Variants in KANSL1 observed in about 807,000 individuals in gnomAD.
KANSL1 encodes the protein KAT8 regulatory NSL complex subunit 1, also known as MLL1/MLL complex subunit KANSL1.
A neutral mutation model predicts 103.6 loss-of-function variants in KANSL1; 22 were observed. The observed-to-expected ratio is 0.21, with a 90% CI of 0.15 to 0.30. The LOEUF is 0.30. KANSL1 is among the 10% of genes least tolerant of loss of function. The pLI is 1.00. For synonymous variants in KANSL1, 600 were observed against 527.6 expected (o/e 1.14, Z -1.88); for missense variants, 1,337 against 1,399.8 (o/e 0.96, Z 0.72).
chr17:46,127,779 A>AG (rs1222538348), intron 2 of KANSL1, among the ~76,000 whole-genome samples: 4 of 149,216 alleles, frequency 2.7e-5, no homozygotes. Context: ...CCCTGTCTCA[A>AG]AAAAAAAAAA....
intron 6 of KANSL1, among the ~76,000 whole-genome samples, chr17:46,062,114 C>CAAAAAAAAAAAAAAAAAAAAAAAA (rs1192815524): frequency 8.1e-5 from 3 of 37,122 alleles, no homozygotes; most frequent in East Asian, 1.1e-3. Flanking sequence ...AAAAAACAAA[C>CAAAAAAAAAAAAAAAAAAAAAAAA]AAACAAAAAA....
chr17:46,074,785 A>G (rs978604546), intron 4 of KANSL1, among the ~76,000 whole-genome samples: 1 of 150,870 alleles, frequency 6.6e-6, no homozygotes, highest in Non-Finnish European at 1.5e-5. Context: ...ATAAATAAAT[A>G]AATAAATAAA....
At chr17:46,145,631 G>A (rs1380968755) in intron 2 of KANSL1, among the ~76,000 whole-genome samples, 2 of 152,224 alleles carry the variant, frequency 1.3e-5, no homozygotes, top group Admixed American at 6.5e-5. Context: ...TGTCAAGCTA[G>A]GTCAGCTTAC....
intron 2 of KANSL1, among the ~76,000 whole-genome samples, chr17:46,099,625 T>C (rs2042227538): frequency 6.6e-6 from 1 of 152,260 alleles, no homozygotes; most frequent in Non-Finnish European, 1.5e-5. Flanking sequence ...CTAACACTGA[T>C]GAGTCAACTC....
At position 46,038,621 on chromosome 17, in the gene KANSL1, T is replaced by C. The variant is rs1355589929; in HGVS notation, c.2458A>G (p.Ser820Gly). The C allele has an allele frequency of 1.2e-6, 2 of 1,614,122 alleles. No individual in the cohort carries two copies. The highest frequency in any genetic ancestry group is 1.7e-6 in the Non-Finnish European group (2 of 1,180,024). Residue 820 changes from serine to glycine, a missense_variant, in exon 10 of 15, where the codon AGT becomes GGT. By Grantham distance (56) the Ser-to-Gly change is moderately conservative. Around this residue, in one of 2 missense-constraint regions of KANSL1, gnomAD observed 780 missense variants for 923.4 expected, o/e 0.84. Transcript: ENST00000432791. Reference protein sequence around the residue: ...YLAATHHPPHSPLVRQLSTSS... With the variant: ...YLAATHHPPHGPLVRQLSTSS... ...GTGGAGAGCTGTCGCACCAAGGGAC[T>C]GTGTGGAGGATGGTGGGTGGCTGCC...
intron 2 of KANSL1, among the ~76,000 whole-genome samples, chr17:46,157,762 C>A (rs1211181067): frequency 1.3e-5 from 2 of 152,222 alleles, no homozygotes; most frequent in African/African-American, 4.8e-5. Context: ...TACAGTTGGG[C>A]AGAAGCAAAA....
At chr17:46,136,304 T>TA in intron 2 of KANSL1, among the ~76,000 whole-genome samples, 1 of 152,360 alleles carries the variant, frequency 6.6e-6, no homozygotes, top group East Asian at 1.9e-4. Flanking sequence ...TCAAAACTCT[T>TA]ACTTCTCTGA....
Position 46,030,613 on chromosome 17 carries a change from G to T in KANSL1, c.*863C>A, listed in dbSNP as rs1409650576. 1 of 152,124 alleles carries T rather than the reference G, an allele frequency of 6.6e-6. No individual in the cohort carries two copies. Among genetic ancestry groups the T allele is most frequent in the Non-Finnish European group, 1.5e-5 (1 of 68,048 alleles). The allele number at this position is 152,124 out of a possible 1,614,324, so 9.4% of individuals were successfully genotyped here. Reference sequence around the variant, plus strand: ...GGGAAAAAAAAAAAAAATCACACAGGGAGATGGCTGCTCACTTCCCACAAC... The same window carrying T: ...GGGAAAAAAAAAAAAAATCACACAGTGAGATGGCTGCTCACTTCCCACAAC... On this transcript the variant is annotated 3_prime_UTR_variant, in exon 15 of 15. Transcript: ENST00000432791.
intron 2 of KANSL1, among the ~76,000 whole-genome samples, chr17:46,132,967 G>A (rs2043942147): frequency 6.6e-6 from 1 of 152,156 alleles, no homozygotes; most frequent in African/African-American, 2.4e-5. Flanking sequence ...GTAAGCAGAT[G>A]GAAACCTGAA....
In KANSL1 at chr17:46,039,079, G is replaced by T. The variant is rs1284849066; in HGVS notation, c.2340C>A (p.Asp780Glu). Residue 780 changes from aspartate to glutamate, a missense_variant, in exon 9 of 15, where the codon GAC becomes GAA. Coordinates refer to ENST00000432791, the MANE Select transcript of KANSL1 (RefSeq NM_015443.4). ...RLLNPPPPVH[D>E]PNHSKMRLRD... is the part of the protein sequence containing the mutation. ...GCAATCTCATTTTGCTGTGGTTTGG[G>T]TCATGCACGGGTGGTGGTGGGTTGA... is the stretch of plus-strand genomic sequence containing the variant. 6.2e-7 allele frequency: 1 copy of T among 1,612,318 alleles called. No homozygotes were observed. Among genetic ancestry groups the T allele is most frequent in the Non-Finnish European group, 8.5e-7 (1 of 1,179,786 alleles).
upstream of KANSL1, chr17:46,225,318 A>T: frequency 6.6e-6 from 1 of 152,458 alleles, no homozygotes. Context: ...TGCCAAAGGC[A>T]GCTCCCCCAG....
At chr17:46,161,250 TAA>T (rs534754110) in intron 2 of KANSL1, among the ~76,000 whole-genome samples, 38 of 79,380 alleles carry the variant, frequency 4.8e-4, no homozygotes, top group African/African-American at 1.3e-3. Flanking sequence ...CCACCTCTAC[TAA>T]AAAAAAAAAA....
At position 46,171,739 on chromosome 17, in the gene KANSL1, T is replaced by C. The variant is rs750183361; in HGVS notation, c.405A>G (p.Leu135=). The change falls in exon 2 of 15, where the codon TTA becomes TTG. Residue 135 remains leucine, a synonymous_variant. Coordinates refer to ENST00000432791, the MANE Select transcript of KANSL1 (RefSeq NM_015443.4). ...LGRQPVLEFS[L]ENLRTMNTSG... is the part of the protein sequence containing the mutation. ...TCGTATTCATGGTTCTAAGATTTTC[T>C]AAGGAAAACTCCAAAACTGGCTGTC... 5 of 1,580,976 alleles carry C rather than the reference T, an allele frequency of 3.2e-6. No individual in the cohort carries two copies. Among genetic ancestry groups the C allele is most frequent in the South Asian group, 1.2e-5 (1 of 86,568 alleles).
intron 2 of KANSL1, among the ~76,000 whole-genome samples, chr17:46,170,042 T>C (rs1340308467): frequency 6.6e-6 from 1 of 152,184 alleles, no homozygotes; most frequent in Non-Finnish European, 1.5e-5. Flanking sequence ...TTAGGGAGGC[T>C]GAGGCCCGAG....
chr17:46,031,821 G>T, intron 14 of KANSL1, 118 bp from the exon 15 acceptor site: 1 of 1,095,392 alleles, frequency 9.1e-7, no homozygotes, highest in Non-Finnish European at 1.3e-6. Flanking sequence ...TAGTGTTCCT[G>T]CGACAGTCTG....
chr17:46,171,332 G>A lies in KANSL1; in HGVS notation c.812C>T (p.Ser271Phe), dbSNP rs1597872380. Residue 271 changes from serine to phenylalanine, a missense_variant, in exon 2 of 15, where the codon TCT becomes TTT. Ser to Phe is a radical substitution (Grantham distance 155, BLOSUM62 -2). This residue lies in a region of KANSL1 where 557 missense variants were observed against 476.4 expected (regional missense o/e 1.17). Transcript: ENST00000432791. ...VKLEGKKSPL[S>F]SILFSALDSD... ...ATCTAAAGCACTGAAAAGAATGGAA[G>A]ACAGGGGAGACTTTTTACCCTCCAA... is the stretch of plus-strand genomic sequence containing the variant. 10 of 1,614,196 alleles carry A rather than the reference G, an allele frequency of 6.2e-6. No homozygotes were observed. Among genetic ancestry groups the A allele is most frequent in the Non-Finnish European group, 8.5e-6 (10 of 1,180,042 alleles).
Position 46,038,631 on chromosome 17 carries a change from A to C in KANSL1, c.2448T>G (p.His816Gln). ...SSSSYLAATHHPPHSPLVRQL... is the reference protein window; with the variant it reads ...SSSSYLAATHQPPHSPLVRQL... ...GTCGCACCAAGGGACTGTGTGGAGG[A>C]TGGTGGGTGGCTGCCAAGTAGCTCG... Residue 816 changes from histidine to glutamine, a missense_variant, in exon 10 of 15, where the codon CAT becomes CAG. Physicochemically the swap from His to Gln is conservative, Grantham distance 24 (BLOSUM62 0). Coordinates refer to ENST00000432791, the MANE Select transcript of KANSL1 (RefSeq NM_015443.4). 1 of 1,613,972 alleles carries C rather than the reference A, an allele frequency of 6.2e-7. No homozygotes were observed. The highest frequency in any genetic ancestry group is 8.5e-7 in the Non-Finnish European group (1 of 1,179,988).
chr17:46,137,419 A>G (rs1350309960), intron 2 of KANSL1, among the ~76,000 whole-genome samples: 1 of 152,242 alleles, frequency 6.6e-6, no homozygotes, highest in Non-Finnish European at 1.5e-5. Context: ...TGATTTAGTT[A>G]GCATCCTCAA....
chr17:46,107,256 T>C (rs1422518773), intron 2 of KANSL1, among the ~76,000 whole-genome samples: 1 of 152,226 alleles, frequency 6.6e-6, no homozygotes, highest in Non-Finnish European at 1.5e-5. Context: ...GGAAACGTTA[T>C]TGCCCCATTT....
Sources: allele counts gnomAD v4.1 joint callset (sites outside exome capture counted in the v4.1 genomes callset), GRCh38; gene constraint gnomAD v4.1.1; regional missense constraint gnomAD v4.1.1; transcripts MANE v1.5; gene names NCBI Gene and HGNC (gene_info 2026-07-23, HGNC 2026-07-21).